MLLT10: variants seen among roughly 807,000 people sequenced by gnomAD.
MLLT10 encodes protein AF-10.
A neutral mutation model predicts 129.1 loss-of-function variants in MLLT10; 30 were observed. The ratio of observed to expected loss-of-function variants is 0.23; its 90% CI spans 0.17 to 0.32. The LOEUF is 0.32. MLLT10 is among the 10% of genes least tolerant of loss of function. The pLI, the probability that MLLT10 is intolerant of heterozygous loss-of-function variation, is 1.00. For missense variants in MLLT10, 1,119 were observed against 1,268.3 expected (o/e 0.88, Z 1.79); for synonymous variants, 490 against 446.4 (o/e 1.10, Z -1.23).
intron 3 of MLLT10, among the ~76,000 whole-genome samples, chr10:21,540,417 G>T (rs574719874): frequency 2.0e-5 from 3 of 151,702 alleles, no homozygotes; most frequent in African/African-American, 7.3e-5. Context: ...TTAGTTGGGC[G>T]TGGTGGCTTG....
In MLLT10 at chr10:21,681,313, T is replaced by G; in HGVS notation, c.1622-19T>G. 6.2e-7 allele frequency: 1 copy of G among 1,612,130 alleles called. No homozygotes were observed. Among genetic ancestry groups the G allele is most frequent in the Middle Eastern group, 1.7e-4 (1 of 6,056 alleles). ...CTGGCAATTTCTTCACTGATTTCCT[T>G]TTTCCTTCCTCTCAACAGAAATTTC... On this transcript the variant is annotated intron_variant, in intron 11 of 22. Transcript: ENST00000307729.
intron 3 of MLLT10, among the ~76,000 whole-genome samples, chr10:21,554,519 G>T (rs114489845): frequency 0.028 from 4,208 of 150,420 alleles, 201 homozygotes; most frequent in African/African-American, 0.096. Context: ...AGTGATGTGA[G>T]CTCAGCTCAC....
chr10:21,599,857 T>C (rs1400164184), intron 5 of MLLT10, among the ~76,000 whole-genome samples: 2 of 152,300 alleles, frequency 1.3e-5, no homozygotes, highest in Non-Finnish European at 2.9e-5. Context: ...CATGAGCCAC[T>C]ATATGGGCCC....
At chr10:21,740,735 C>T (rs1162386012) in intron 22 of MLLT10, among the ~76,000 whole-genome samples, 1 of 152,164 alleles carries the variant, frequency 6.6e-6, no homozygotes, top group African/African-American at 2.4e-5. Context: ...TTATTAATTT[C>T]ATGTAAGTGA....
At chr10:21,735,299 T>TG (rs1195705629) in intron 21 of MLLT10, 64 bp downstream of exon 21, 1 of 1,305,202 alleles carries the variant, frequency 7.7e-7, no homozygotes, top group Non-Finnish European at 1.1e-6. Flanking sequence ...ATATTCACTG[T>TG]GGGTACAGAT....
intron 6 of MLLT10, among the ~76,000 whole-genome samples, chr10:21,613,915 A>C (rs1003276839): frequency 6.6e-6 from 1 of 151,726 alleles, no homozygotes; most frequent in African/African-American, 2.4e-5. Context: ...AAAAAAAAAA[A>C]CAAAAAACAA....
chr10:21,712,871 C>A (rs2056227304), intron 13 of MLLT10, among the ~76,000 whole-genome samples: 1 of 152,228 alleles, frequency 6.6e-6, no homozygotes, highest in Admixed American at 6.5e-5. Context: ...ATCCTGAAAG[C>A]CTCTCCTTCT....
At chr10:21,621,167 T>TC (rs1444639547) in intron 8 of MLLT10, among the ~76,000 whole-genome samples, 1 of 147,276 alleles carries the variant, frequency 6.8e-6, no homozygotes, top group East Asian at 2.0e-4. Flanking sequence ...GTATTTTTTT[T>TC]TTTTTTTTAG....
chr10:21,608,144 CTGTTT>C (rs895104715), intron 5 of MLLT10, among the ~76,000 whole-genome samples: 9 of 146,718 alleles, frequency 6.1e-5, no homozygotes, highest in Non-Finnish European at 1.2e-4. Context: ...TTTTCTTGTT[CTGTTT>C]TAAGTGTTTT....
chr10:21,689,197 T>G, intron 13 of MLLT10, among the ~76,000 whole-genome samples: 1 of 152,064 alleles, frequency 6.6e-6, no homozygotes, highest in East Asian at 1.9e-4. Context: ...AAGGTCCTGG[T>G]TAGTTGCTTT....
chr10:21,642,132 C>T (rs2048062563), intron 8 of MLLT10, among the ~76,000 whole-genome samples: 1 of 152,112 alleles, frequency 6.6e-6, no homozygotes, highest in South Asian at 2.1e-4. Flanking sequence ...GGGCAGATCA[C>T]TTGAGGCCAG....
chr10:21,690,825 C>A (rs796389999), intron 13 of MLLT10, among the ~76,000 whole-genome samples: 2 of 152,072 alleles, frequency 1.3e-5, no homozygotes, highest in South Asian at 4.2e-4. Flanking sequence ...TTATCGTTTT[C>A]AAAACTCTTC....
At chr10:21,740,824 A>G (rs1013005173) in intron 22 of MLLT10, among the ~76,000 whole-genome samples, 1 of 152,230 alleles carries the variant, frequency 6.6e-6, no homozygotes. Flanking sequence ...AGTAGAACCC[A>G]TTTTAAGGCC....
At chr10:21,710,901 T>A (rs1013322023) in intron 13 of MLLT10, among the ~76,000 whole-genome samples, 3 of 152,258 alleles carry the variant, frequency 2.0e-5, no homozygotes, top group African/African-American at 7.2e-5. Flanking sequence ...TTTCAGTTGC[T>A]GTTCCTGTTT....
At position 21,534,418 on chromosome 10, in the gene MLLT10, A is replaced by AGGAGGAGGC. The variant is rs996669729; in HGVS notation, c.-91_-83dup. ...GTGGGGAGGGAAGACGCTGAGGAGG[A>AGGAGGAGGC]GGAGGAGGCGGAGGAGGCGGTGGAG... On this transcript the variant is annotated 5_prime_UTR_variant, in exon 1 of 23. Coordinates refer to ENST00000307729, the MANE Select transcript of MLLT10 (RefSeq NM_001195626.3). 8.9e-5 allele frequency: 30 copies of AGGAGGAGGC among 338,896 alleles called. No homozygotes were observed. The highest frequency in any genetic ancestry group is 1.4e-4 in the Admixed American group (3 of 21,380). 21.0% of individuals were successfully genotyped at this position (338,896 alleles called of 1,614,324 possible).
chr10:21,694,684 C>G (rs1395164625), intron 13 of MLLT10, among the ~76,000 whole-genome samples: 1 of 152,226 alleles, frequency 6.6e-6, no homozygotes, highest in African/African-American at 2.4e-5. Context: ...TGCTTCCTTA[C>G]TTTCTGGCAC....
chr10:21,629,662 G>A (rs1032829388), intron 8 of MLLT10, among the ~76,000 whole-genome samples: 1 of 152,224 alleles, frequency 6.6e-6, no homozygotes, highest in African/African-American at 2.4e-5. Context: ...AAAAGAGTAG[G>A]TTGAGTAGTA....
chr10:21,616,682 A>G (rs1057047868), intron 7 of MLLT10, among the ~76,000 whole-genome samples: 9 of 152,058 alleles, frequency 5.9e-5, no homozygotes, highest in African/African-American at 2.2e-4. Context: ...ATACCTTAAT[A>G]CTGATGGTAT....
At chr10:21,541,849 G>T (rs534114131) in intron 3 of MLLT10, among the ~76,000 whole-genome samples, 7 of 152,202 alleles carry the variant, frequency 4.6e-5, no homozygotes, top group Non-Finnish European at 1.0e-4. Context: ...GATATGTTTT[G>T]GTTGTGTGTG....
Sources: allele counts gnomAD v4.1 joint callset (sites outside exome capture counted in the v4.1 genomes callset), GRCh38; gene constraint gnomAD v4.1.1; transcripts MANE v1.5; gene names NCBI Gene and HGNC (gene_info 2026-07-23, HGNC 2026-07-21).